NLK: variants seen among roughly 807,000 people sequenced by gnomAD.
NLK encodes the protein nemo like kinase.
NLK carries 11 observed loss-of-function variants against 59.0 expected under a neutral mutation model. That is an observed-to-expected ratio of 0.19 (90% CI 0.12 to 0.31). The LOEUF is 0.31. Ranked by LOEUF, NLK falls within the 10% of genes least tolerant of loss-of-function variation. The pLI is 1.00. For synonymous variants in NLK, 235 were observed against 235.9 expected (o/e 1.00, Z 0.03); for missense variants, 410 against 661.1 (o/e 0.62, Z 4.16).
chr17:28,158,581 G>T (rs1198188654), intron 3 of NLK, among the ~76,000 whole-genome samples: 1 of 151,818 alleles, frequency 6.6e-6, no homozygotes, highest in Non-Finnish European at 1.5e-5. Flanking sequence ...TTACTCTTTT[G>T]TAATAACACT....
chr17:28,155,795 G>C (rs1907682214), intron 3 of NLK, among the ~76,000 whole-genome samples: 1 of 152,048 alleles, frequency 6.6e-6, no homozygotes, highest in South Asian at 2.1e-4. Flanking sequence ...TGGAGGGCTG[G>C]GGGTGGGATA....
Position 28,087,277 on chromosome 17 carries a change from A to G in NLK, c.459-35326A>G, listed in dbSNP as rs79693001. Among the ~76,000 whole-genome samples, 950 of 152,306 alleles carry G rather than the reference A, an allele frequency of 6.2e-3. 18 individuals are homozygous for G. The highest frequency in any genetic ancestry group is 0.021 in the African/African-American group (889 of 41,576). On this transcript the variant is annotated intron_variant, in intron 1 of 10. Coordinates refer to ENST00000407008, the MANE Select transcript of NLK (RefSeq NM_016231.5). Reference sequence around the variant, plus strand: ...TTTTTAACTTTTATATAGGCTGTCTATATGTGCCAAATTAGGGAAAATTTG... The same window carrying G: ...TTTTTAACTTTTATATAGGCTGTCTGTATGTGCCAAATTAGGGAAAATTTG...
At chr17:28,075,769 C>T (rs1222100003) in intron 1 of NLK, among the ~76,000 whole-genome samples, 5 of 152,114 alleles carry the variant, frequency 3.3e-5, no homozygotes, top group Non-Finnish European at 7.3e-5. Context: ...TTCACCCCCA[C>T]TTCATAAGCT....
At chr17:28,081,882 A>ATTTTGTTTTG (rs994631088) in intron 1 of NLK, among the ~76,000 whole-genome samples, 1 of 151,802 alleles carries the variant, frequency 6.6e-6, no homozygotes, top group Non-Finnish European at 1.5e-5. Context: ...AAATTCATGG[A>ATTTTGTTTTG]TTTTGTTTTG....
intron 1 of NLK, among the ~76,000 whole-genome samples, chr17:28,098,832 G>A (rs1314095596): frequency 6.6e-6 from 1 of 151,130 alleles, no homozygotes; most frequent in East Asian, 1.9e-4. Flanking sequence ...ACAGACATGC[G>A]CCACGACGCT....
In NLK at chr17:28,172,498, G is replaced by T; in HGVS notation, c.1048-19G>T. The T allele has an allele frequency of 1.3e-6, 2 of 1,511,330 alleles. No individual in the cohort carries two copies. Among genetic ancestry groups the T allele is most frequent in the Non-Finnish European group, 1.8e-6 (2 of 1,113,596 alleles). 93.6% of individuals were successfully genotyped at this position (1,511,330 alleles called of 1,614,324 possible). ...ATTTCCATGAGATTACTATCTATCTGTATTTTATTTCCTTGTAGTTGGATT... is the reference window on the plus strand; with the variant it reads ...ATTTCCATGAGATTACTATCTATCTTTATTTTATTTCCTTGTAGTTGGATT... On this transcript the variant is annotated intron_variant, in intron 6 of 10. Coordinates refer to ENST00000407008, the MANE Select transcript of NLK (RefSeq NM_016231.5).
At chr17:28,163,444 A>C in intron 4 of NLK, 99 bp from the exon 5 acceptor site, 1 of 694,504 alleles carries the variant, frequency 1.4e-6, no homozygotes, top group Non-Finnish European at 2.5e-6. Flanking sequence ...TTAGGGAACA[A>C]TTTTAAATCC....
At chr17:28,175,222 G>A (rs879823914) in intron 7 of NLK, among the ~76,000 whole-genome samples, 1 of 151,502 alleles carries the variant, frequency 6.6e-6, no homozygotes, top group African/African-American at 2.4e-5. Context: ...GAGGCAGGCG[G>A]ATCACGAGGT....
chr17:28,111,861 CGTGTGTGT>C lies in NLK; in HGVS notation c.459-10714_459-10707del, dbSNP rs144479598. Among the ~76,000 whole-genome samples the C allele has an allele frequency of 2.6e-3, 195 of 74,084 alleles. 1 individual carries two copies. Among genetic ancestry groups the C allele is most frequent in the African/African-American group, 9.4e-3 (180 of 19,170 alleles). The allele number at this position is 74,084 out of a possible 152,430, so 48.6% of individuals were successfully genotyped here. A position where few individuals can be genotyped will look rare whatever the true frequency, so the allele number is the denominator to read the frequency against. The stretch of plus-strand genomic sequence containing the variant: ...CATTTTGAGCTAATAAGGCTTATAC[CGTGTGTGT>C]GTGTGTGTGTGTGTGTGTGTGTGTG... On this transcript the variant is annotated intron_variant, in intron 1 of 10. Transcript: ENST00000407008.
chr17:28,077,992 TC>T (rs1910224720), intron 1 of NLK, among the ~76,000 whole-genome samples: 1 of 152,120 alleles, frequency 6.6e-6, no homozygotes, highest in Non-Finnish European at 1.5e-5. Flanking sequence ...AGGTTGTTCT[TC>T]CTTAAGGTAT....
intron 3 of NLK, among the ~76,000 whole-genome samples, chr17:28,157,216 A>G (rs1324987688): frequency 6.8e-6 from 1 of 147,210 alleles, no homozygotes; most frequent in Non-Finnish European, 1.5e-5. Flanking sequence ...TTTTAAGACA[A>G]AGTCTTGCTC....
chr17:28,056,921 C>T lies in NLK; in HGVS notation c.458+13590C>T, dbSNP rs543709143. Reference sequence around the variant, plus strand: ...CACTCCTAGATTTCTTCTCAATTAACATTTTGTGACTTCTGCATTACCTAC... The same window carrying T: ...CACTCCTAGATTTCTTCTCAATTAATATTTTGTGACTTCTGCATTACCTAC... On this transcript the variant is annotated intron_variant, in intron 1 of 10. Coordinates refer to ENST00000407008, the MANE Select transcript of NLK (RefSeq NM_016231.5). 2.1e-4 allele frequency among the ~76,000 whole-genome samples: 31 copies of T among 145,850 alleles called. No individual in the cohort carries two copies. The South Asian group carries it at 6.4e-3, about 30-fold the overall frequency.
At chr17:28,145,581 C>A (rs1907210730) in intron 3 of NLK, among the ~76,000 whole-genome samples, 1 of 152,166 alleles carries the variant, frequency 6.6e-6, no homozygotes, top group South Asian at 2.1e-4. Context: ...GGACATGTTT[C>A]TTTGATGCCA....
At chr17:28,157,702 A>G (rs1375114368) in intron 3 of NLK, among the ~76,000 whole-genome samples, 2 of 152,224 alleles carry the variant, frequency 1.3e-5, no homozygotes, top group Non-Finnish European at 2.9e-5. Context: ...AGAACCATTG[A>G]AGCAATTTTA....
intron 1 of NLK, among the ~76,000 whole-genome samples, chr17:28,079,496 C>T (rs1449712163): frequency 6.6e-6 from 1 of 152,150 alleles, no homozygotes; most frequent in Non-Finnish European, 1.5e-5. Context: ...ACATGGGTTC[C>T]ATTATTTTCA....
In NLK at chr17:28,190,926, G is replaced by C. The variant is rs9910258; in HGVS notation, c.1237-95G>C. ...GGGATGTACTATAAATTATATATATGCTATGTCAAGCAGTTAATGTGTCTT... is the reference window on the plus strand; with the variant it reads ...GGGATGTACTATAAATTATATATATCCTATGTCAAGCAGTTAATGTGTCTT... On this transcript the variant is annotated intron_variant, in intron 8 of 10. Transcript: ENST00000407008. The C allele has an allele frequency of 3.3e-5, 27 of 814,942 alleles. No homozygotes were observed. In the African/African-American group the frequency reaches 4.3e-4, roughly 13 times the overall value. 50.5% of individuals were successfully genotyped at this position (814,942 alleles called of 1,614,324 possible).
rs566548470 is a variant in NLK at position 28,099,769 on chromosome 17, G to A, written c.459-22834G>A. On this transcript the variant is annotated intron_variant, in intron 1 of 10. Coordinates refer to ENST00000407008, the MANE Select transcript of NLK (RefSeq NM_016231.5). ...AATTTTTTGTATTTTTAGTAGAGAC[G>A]GGGTTTCACCTTGTTAGCCAGGATG... Among the ~76,000 whole-genome samples the A allele has an allele frequency of 1.1e-3, 160 of 151,048 alleles. 1 individual carries two copies. Among genetic ancestry groups the A allele is most frequent in the African/African-American group, 2.8e-3 (114 of 41,162 alleles).
chr17:28,057,115 C>T (rs912616456), intron 1 of NLK, among the ~76,000 whole-genome samples: 3 of 151,968 alleles, frequency 2.0e-5, no homozygotes, highest in Admixed American at 6.6e-5. Context: ...CCACCACGCC[C>T]GGCTAATTTT....
At chr17:28,098,297 TA>T (rs1032263349) in intron 1 of NLK, among the ~76,000 whole-genome samples, 1 of 152,206 alleles carries the variant, frequency 6.6e-6, no homozygotes, top group African/African-American at 2.4e-5. Context: ...GGTAATTGTT[TA>T]AAAAATTGTC....
Sources: gnomAD v4.1 joint callset for allele counts (sites outside exome capture counted in the v4.1 genomes callset) on GRCh38, gnomAD v4.1.1 for gene constraint, MANE v1.5 for transcripts, NCBI Gene and HGNC (gene_info 2026-07-23, HGNC 2026-07-21) for gene names.